The following LRRC4C variants were observed in gnomAD, a reference collection of about 807,000 sequenced individuals.
LRRC4C encodes the protein leucine-rich repeat-containing protein 4C.
A neutral mutation model predicts 33.6 loss-of-function variants in LRRC4C; 5 were observed. The observed-to-expected ratio is 0.15, with a 90% CI of 0.08 to 0.31. The LOEUF (loss-of-function observed/expected upper bound fraction) is 0.31, where lower values mean the gene tolerates loss of function less well. Among genes scored for constraint, LRRC4C ranks in the 10% least tolerant of loss-of-function variants. LRRC4C has a pLI of 1.00. For missense variants in LRRC4C, 560 were observed against 796.7 expected (o/e 0.70, Z 3.58); for synonymous variants, 329 against 302.0 (o/e 1.09, Z -0.93).
At chr11:41,335,201 G>A (rs1237475591) in intron 1 of LRRC4C, among the ~76,000 whole-genome samples, 1 of 152,140 alleles carries the variant, frequency 6.6e-6, no homozygotes, top group African/African-American at 2.4e-5. Flanking sequence ...TACATATTAA[G>A]CATAGTGCTT....
At chr11:40,588,085 G>A (rs1958847764) in intron 3 of LRRC4C, among the ~76,000 whole-genome samples, 1 of 151,600 alleles carries the variant, frequency 6.6e-6, no homozygotes, top group Non-Finnish European at 1.5e-5. Flanking sequence ...GGTAGAATTT[G>A]GCTGTGAATC....
intron 2 of LRRC4C, among the ~76,000 whole-genome samples, chr11:40,814,799 A>C (rs996708445): frequency 3.3e-5 from 5 of 151,988 alleles, no homozygotes; most frequent in Admixed American, 3.3e-4. Flanking sequence ...AACATAGCAA[A>C]AGTGACATTT....
At chr11:41,140,619 C>T (rs946549134) in intron 1 of LRRC4C, among the ~76,000 whole-genome samples, 1 of 152,224 alleles carries the variant, frequency 6.6e-6, no homozygotes, top group African/African-American at 2.4e-5. Flanking sequence ...AGGTCACCAT[C>T]ACCTGTTCAC....
intron 3 of LRRC4C, among the ~76,000 whole-genome samples, chr11:40,535,716 G>A (rs139559186): frequency 6.6e-6 from 1 of 152,308 alleles, no homozygotes; most frequent in African/African-American, 2.4e-5. Flanking sequence ...GTTTCATGCT[G>A]ATGCCATCTC....
intron 1 of LRRC4C, chr11:41,123,118 A>G (rs1238748264): frequency 2.0e-5 from 3 of 152,210 alleles, no homozygotes; most frequent in East Asian, 3.9e-4. Flanking sequence ...TTCCCATCCT[A>G]TGCAAGTGTG....
chr11:40,266,681 G>A (rs972159700), intron 4 of LRRC4C, among the ~76,000 whole-genome samples: 11 of 151,908 alleles, frequency 7.2e-5, no homozygotes, highest in African/African-American at 1.7e-4. Context: ...TTGAATCTTC[G>A]GCATGGGTAT....
At chr11:41,139,493 C>T (rs939653404) in intron 1 of LRRC4C, among the ~76,000 whole-genome samples, 18 of 152,056 alleles carry the variant, frequency 1.2e-4, no homozygotes, top group African/African-American at 3.1e-4. Flanking sequence ...CTATTGAAAA[C>T]GGGCAATGAA....
intron 2 of LRRC4C, among the ~76,000 whole-genome samples, chr11:40,804,658 G>T (rs1396816467): frequency 2.0e-5 from 3 of 152,118 alleles, no homozygotes; most frequent in Non-Finnish European, 4.4e-5. Flanking sequence ...TTTGCAGTTG[G>T]ATAAATCATA....
At chr11:40,565,760 C>A (rs1373610352) in intron 3 of LRRC4C, among the ~76,000 whole-genome samples, 1 of 151,946 alleles carries the variant, frequency 6.6e-6, no homozygotes. Flanking sequence ...AACAGGTATA[C>A]CACCTAAAGG....
At chr11:41,087,081 C>G (rs1445258937) in intron 1 of LRRC4C, among the ~76,000 whole-genome samples, 1 of 152,022 alleles carries the variant, frequency 6.6e-6, no homozygotes, top group Non-Finnish European at 1.5e-5. Context: ...TAAATTGCAC[C>G]ACCATCTCAT....
chr11:41,070,892 C>G (rs993267210), intron 1 of LRRC4C, among the ~76,000 whole-genome samples: 1 of 151,994 alleles, frequency 6.6e-6, no homozygotes, highest in African/African-American at 2.4e-5. Context: ...TCCAGCAACC[C>G]CATTACTAAG....
chr11:40,912,370 G>A (rs572144481), intron 2 of LRRC4C, among the ~76,000 whole-genome samples: 1 of 152,202 alleles, frequency 6.6e-6, no homozygotes, highest in South Asian at 2.1e-4. Context: ...CTACAAGCCA[G>A]AAGAAAGTTG....
intron 1 of LRRC4C, among the ~76,000 whole-genome samples, chr11:41,278,826 T>TC (rs1349815261): frequency 6.6e-6 from 1 of 151,692 alleles, no homozygotes; most frequent in Non-Finnish European, 1.5e-5. Context: ...TGTTTTGTGT[T>TC]TTTTTCCCCC....
chr11:41,284,340 CTG>C (rs1329879707), intron 1 of LRRC4C, among the ~76,000 whole-genome samples: 4 of 152,188 alleles, frequency 2.6e-5, no homozygotes, highest in Non-Finnish European at 4.4e-5. Context: ...AATGAATATT[CTG>C]TGTTTCAAAG....
intron 2 of LRRC4C, among the ~76,000 whole-genome samples, chr11:40,798,944 G>A (rs893551114): frequency 1.3e-5 from 2 of 152,028 alleles, no homozygotes; most frequent in Non-Finnish European, 2.9e-5. Flanking sequence ...ATGCTCTGCT[G>A]TATTATAAGT....
At chr11:40,601,170 A>T (rs2135807757) in intron 3 of LRRC4C, among the ~76,000 whole-genome samples, 1 of 152,320 alleles carries the variant, frequency 6.6e-6, no homozygotes, top group South Asian at 2.1e-4. Flanking sequence ...CTTCTCACCA[A>T]GTATCATTAA....
At chr11:40,346,117 C>T (rs1947117628) in intron 3 of LRRC4C, among the ~76,000 whole-genome samples, 1 of 152,110 alleles carries the variant, frequency 6.6e-6, no homozygotes, top group South Asian at 2.1e-4. Context: ...TAAATTAGTT[C>T]AACCATTGCA....
intron 1 of LRRC4C, among the ~76,000 whole-genome samples, chr11:41,412,179 C>T (rs1374239356): frequency 2.6e-5 from 4 of 152,222 alleles, no homozygotes; most frequent in Admixed American, 2.6e-4. Flanking sequence ...CTTGATTTAA[C>T]CCACCAGCAC....
intron 1 of LRRC4C, among the ~76,000 whole-genome samples, chr11:41,371,505 G>A (rs1366377692): frequency 2.0e-5 from 3 of 152,164 alleles, no homozygotes; most frequent in Admixed American, 6.5e-5. Flanking sequence ...CATCTCAGTT[G>A]TGGGACATTT....
Sources: gnomAD v4.1 joint callset for allele counts (sites outside exome capture counted in the v4.1 genomes callset) on GRCh38, gnomAD v4.1.1 for gene constraint, MANE v1.5 for transcripts, NCBI Gene and HGNC (gene_info 2026-07-23, HGNC 2026-07-21) for gene names.